Variants in SLCO1A2 observed in about 807,000 individuals in gnomAD.
SLCO1A2 encodes the protein OATP-1.
In SLCO1A2, 67 loss-of-function variants were observed where a neutral mutation model predicts 69.0. That is an observed-to-expected ratio of 0.97 (90% CI 0.80 to 1.19). SLCO1A2 has a LOEUF of 1.19. SLCO1A2 is among the 50% of genes most tolerant of loss of function. The pLI is 0.00. For synonymous variants in SLCO1A2, 260 were observed against 265.9 expected, an observed-to-expected ratio of 0.98 and a Z score of 0.22; for missense variants, 787 against 793.7, an observed-to-expected ratio of 0.99 and a Z score of 0.10.
chr12:21,271,042 C>T (rs940281956), intron 14 of SLCO1A2, among the ~76,000 whole-genome samples: 3 of 151,684 alleles, frequency 2.0e-5, no homozygotes, highest in Admixed American at 2.0e-4. Context: ...AAAAAATGGA[C>T]ACCAGTGATT....
chr12:21,278,645 C>G (rs953424733), intron 12 of SLCO1A2, among the ~76,000 whole-genome samples: 1 of 152,192 alleles, frequency 6.6e-6, no homozygotes. Context: ...AGTGGTAACT[C>G]TGTGAGTCTA....
At chr12:21,298,812 G>C (rs781416706) in intron 8 of SLCO1A2, among the ~76,000 whole-genome samples, 3 of 152,092 alleles carry the variant, frequency 2.0e-5, no homozygotes, top group African/African-American at 7.2e-5. Flanking sequence ...CCTTTAAGAA[G>C]AGTTTTTAAT....
intron 2 of SLCO1A2, chr12:21,373,543 A>G: frequency 1.3e-6 from 1 of 765,400 alleles, no homozygotes; most frequent in African/African-American, 1.7e-5. Flanking sequence ...ATCATACTTA[A>G]GAACAGTACC....
chr12:21,310,638 G>C (rs1255138254), intron 4 of SLCO1A2, among the ~76,000 whole-genome samples: 2 of 152,250 alleles, frequency 1.3e-5, no homozygotes, highest in Admixed American at 1.3e-4. Context: ...GTCTCGCTAT[G>C]TCGCCCAGGC....
At chr12:21,330,099 A>G (rs1269052146) in intron 2 of SLCO1A2, among the ~76,000 whole-genome samples, 2 of 152,090 alleles carry the variant, frequency 1.3e-5, no homozygotes, top group African/African-American at 4.8e-5. Context: ...TCTACATGAC[A>G]CATATAAACA....
intron 14 of SLCO1A2, among the ~76,000 whole-genome samples, chr12:21,273,473 G>A (rs749078821): frequency 3.9e-5 from 6 of 152,132 alleles, no homozygotes; most frequent in Non-Finnish European, 7.3e-5. Flanking sequence ...TTGGCTTCTG[G>A]TAGATTTTTC....
chr12:21,327,108 G>C (rs531964306), intron 2 of SLCO1A2, among the ~76,000 whole-genome samples: 17 of 152,244 alleles, frequency 1.1e-4, no homozygotes, highest in African/African-American at 3.8e-4. Flanking sequence ...TCCCAGCCAT[G>C]GGACCCAGAA....
At chr12:21,372,206 A>T (rs576843351) in intron 2 of SLCO1A2, among the ~76,000 whole-genome samples, 1 of 152,338 alleles carries the variant, frequency 6.6e-6, no homozygotes, top group East Asian at 1.9e-4. Context: ...TGTAAGAATG[A>T]ATGGAAAAGG....
chr12:21,373,409 C>G (rs1939944998), intron 2 of SLCO1A2: 1 of 1,612,830 alleles, frequency 6.2e-7, no homozygotes, highest in Non-Finnish European at 8.5e-7. Context: ...ATTGAACCAT[C>G]TGAAAGCTAC....
At chr12:21,415,321 A>G (rs1941972433) in intron 1 of SLCO1A2, among the ~76,000 whole-genome samples, 1 of 152,270 alleles carries the variant, frequency 6.6e-6, no homozygotes, top group African/African-American at 2.4e-5. Flanking sequence ...TTTTGTGAAT[A>G]TATTTGGGGA....
intron 2 of SLCO1A2, among the ~76,000 whole-genome samples, chr12:21,357,404 T>C (rs1400939192): frequency 6.6e-6 from 1 of 152,174 alleles, no homozygotes; most frequent in Non-Finnish European, 1.5e-5. Context: ...GAAAGAGGCA[T>C]GGAACAGCCC....
intron 1 of SLCO1A2, among the ~76,000 whole-genome samples, chr12:21,414,166 T>G (rs1941955278): frequency 6.6e-6 from 1 of 152,156 alleles, no homozygotes; most frequent in Non-Finnish European, 1.5e-5. Context: ...ATTCCCTTAT[T>G]TCCTAGTTTG....
At chr12:21,394,384 C>T (rs900785710) in intron 1 of SLCO1A2, among the ~76,000 whole-genome samples, 2 of 151,390 alleles carry the variant, frequency 1.3e-5, no homozygotes, top group African/African-American at 4.9e-5. Context: ...CACACACACA[C>T]ACACACATTA....
chr12:21,369,528 T>C (rs1939631687), intron 2 of SLCO1A2, among the ~76,000 whole-genome samples: 1 of 152,208 alleles, frequency 6.6e-6, no homozygotes, highest in South Asian at 2.1e-4. Context: ...TCACTATCTA[T>C]AAATTAGAGC....
At chr12:21,317,672 A>G (rs4148990) in intron 3 of SLCO1A2, among the ~76,000 whole-genome samples, 54,211 of 152,086 alleles carry the variant, frequency 0.36, 10,065 homozygotes, top group African/African-American at 0.46. Context: ...TAAGATCTAA[A>G]GGAGTTGAAC....
chr12:21,328,548 G>C, intron 2 of SLCO1A2, among the ~76,000 whole-genome samples: 2 of 152,208 alleles, frequency 1.3e-5, no homozygotes, highest in Non-Finnish European at 2.9e-5. Flanking sequence ...TTCTCCTGGC[G>C]TGAGCAGGTA....
chr12:21,345,344 T>A (rs756019735), intron 2 of SLCO1A2, among the ~76,000 whole-genome samples: 6 of 152,074 alleles, frequency 3.9e-5, no homozygotes, highest in Admixed American at 6.6e-5. Context: ...ATTCTTATGA[T>A]GTAAGCAAAG....
chr12:21,393,098 C>T (rs554437997), intron 1 of SLCO1A2, among the ~76,000 whole-genome samples: 5 of 152,176 alleles, frequency 3.3e-5, no homozygotes, highest in Non-Finnish European at 5.9e-5. Context: ...TTGTTTAGCA[C>T]TGGCCAAATA....
intron 1 of SLCO1A2, among the ~76,000 whole-genome samples, chr12:21,413,383 A>G (rs1941942818): frequency 6.6e-6 from 1 of 151,558 alleles, no homozygotes; most frequent in African/African-American, 2.4e-5. Flanking sequence ...GTGGGACTAC[A>G]GGCGCGCGCC....
Sources: allele counts gnomAD v4.1 joint callset (sites outside exome capture counted in the v4.1 genomes callset), GRCh38; gene constraint gnomAD v4.1.1; transcripts MANE v1.5; gene names NCBI Gene and HGNC (gene_info 2026-07-23, HGNC 2026-07-21).